Variants in SGCZ observed in about 807,000 individuals in gnomAD.
SGCZ encodes zeta-sarcoglycan.
In SGCZ, 40 loss-of-function variants were observed where a neutral mutation model predicts 41.3. The ratio of observed to expected loss-of-function variants is 0.97; its 90% CI spans 0.75 to 1.26. SGCZ has a LOEUF of 1.26. Among genes scored for constraint, SGCZ ranks in the 50% most tolerant of loss-of-function variants. The pLI, the probability that SGCZ is intolerant of heterozygous loss-of-function variation, is 0.00. For missense variants in SGCZ, 552 were observed against 369.8 expected (o/e 1.49, Z -4.04); for synonymous variants, 206 against 137.5 (o/e 1.50, Z -3.49).
In SGCZ at chr8:14,958,366, T is replaced by C. The variant is rs1229542344; in HGVS notation, c.39+279219A>G. ...GAAATGTTGGTCAATGGATAAAAGG[T>C]TGTGGTATGTTCATACAATGGAATA... On this transcript the variant is annotated intron_variant, in intron 1 of 7. Transcript: ENST00000382080. Among the ~76,000 whole-genome samples the C allele has an allele frequency of 2.0e-5, 3 of 152,158 alleles. No individual in the cohort carries two copies. The South Asian group carries it at 6.2e-4, about 31-fold the overall frequency.
chr8:15,078,466 C>G (rs982084649), intron 1 of SGCZ, among the ~76,000 whole-genome samples: 1 of 151,766 alleles, frequency 6.6e-6, no homozygotes, highest in Non-Finnish European at 1.5e-5. Context: ...TTTGACTGGT[C>G]TTCTATTTGC....
chr8:14,141,377 G>A (rs1438424000), intron 5 of SGCZ, among the ~76,000 whole-genome samples: 1 of 152,138 alleles, frequency 6.6e-6, no homozygotes, highest in Non-Finnish European at 1.5e-5. Context: ...AGAGTGAAAA[G>A]GCAACCTACA....
At chr8:15,140,210 A>T (rs1808270150) in intron 1 of SGCZ, among the ~76,000 whole-genome samples, 1 of 151,956 alleles carries the variant, frequency 6.6e-6, no homozygotes, top group African/African-American at 2.4e-5. Flanking sequence ...TTTTTTGTAG[A>T]CAAAGGGCCT....
chr8:14,246,280 G>C (rs1050595504), intron 3 of SGCZ, among the ~76,000 whole-genome samples: 22 of 152,140 alleles, frequency 1.4e-4, no homozygotes, highest in African/African-American at 5.3e-4. Flanking sequence ...AAAATGATGA[G>C]TTCATGTCCT....
chr8:14,483,209 T>C (rs1034259942), intron 2 of SGCZ, among the ~76,000 whole-genome samples: 2 of 152,208 alleles, frequency 1.3e-5, no homozygotes, highest in African/African-American at 4.8e-5. Flanking sequence ...TCAAAAAACA[T>C]GCCTTTAAAA....
At chr8:14,953,185 A>G (rs897722454) in intron 1 of SGCZ, among the ~76,000 whole-genome samples, 63 of 152,102 alleles carry the variant, frequency 4.1e-4, no homozygotes, top group Non-Finnish European at 5.0e-4. Flanking sequence ...CTTCCACAGG[A>G]TGTATAGGAA....
intron 1 of SGCZ, among the ~76,000 whole-genome samples, chr8:14,648,623 T>A (rs1178251453): frequency 6.6e-6 from 1 of 152,124 alleles, no homozygotes; most frequent in African/African-American, 2.4e-5. Context: ...TTTTCCATTA[T>A]ATTTAATTTC....
chr8:14,885,662 G>A (rs373374901), intron 1 of SGCZ, among the ~76,000 whole-genome samples: 9 of 152,040 alleles, frequency 5.9e-5, no homozygotes, highest in South Asian at 2.1e-4. Flanking sequence ...TCCCCACAGT[G>A]CCTGGCACAC....
chr8:15,043,203 A>G (rs1804174717), intron 1 of SGCZ, among the ~76,000 whole-genome samples: 1 of 152,188 alleles, frequency 6.6e-6, no homozygotes, highest in South Asian at 2.1e-4. Flanking sequence ...CTAGTAAAAT[A>G]AGCATTTATT....
intron 1 of SGCZ, among the ~76,000 whole-genome samples, chr8:14,803,456 A>T (rs1801399634): frequency 1.3e-5 from 2 of 152,194 alleles, no homozygotes; most frequent in Middle Eastern, 3.4e-3. Flanking sequence ...CTAGTCAAAG[A>T]AAGGGGTGAC....
At chr8:14,440,543 T>A (rs892294932) in intron 2 of SGCZ, among the ~76,000 whole-genome samples, 1 of 152,102 alleles carries the variant, frequency 6.6e-6, no homozygotes, top group African/African-American at 2.4e-5. Flanking sequence ...AATAAAATCA[T>A]CACTAGCTTC....
At chr8:14,422,108 G>A (rs919165233) in intron 2 of SGCZ, among the ~76,000 whole-genome samples, 4 of 151,996 alleles carry the variant, frequency 2.6e-5, no homozygotes, top group Non-Finnish European at 5.9e-5. Flanking sequence ...TTTTAACAGT[G>A]GGTTCATTCA....
intron 1 of SGCZ, among the ~76,000 whole-genome samples, chr8:14,797,174 A>C (rs1801161181): frequency 6.6e-6 from 1 of 152,006 alleles, no homozygotes; most frequent in Non-Finnish European, 1.5e-5. Flanking sequence ...GACAGTTTGG[A>C]GGGCTCAGAA....
At chr8:14,765,946 A>C (rs568250396) in intron 1 of SGCZ, among the ~76,000 whole-genome samples, 1 of 151,870 alleles carries the variant, frequency 6.6e-6, no homozygotes, top group South Asian at 2.1e-4. Context: ...TATTTATGGA[A>C]CAACTCTTGC....
At chr8:14,708,124 A>C (rs1809389685) in intron 1 of SGCZ, among the ~76,000 whole-genome samples, 1 of 151,998 alleles carries the variant, frequency 6.6e-6, no homozygotes, top group Non-Finnish European at 1.5e-5. Flanking sequence ...ATTCAAATTT[A>C]ATTTAAATTT....
chr8:15,135,057 C>G (rs1467255961), intron 1 of SGCZ, among the ~76,000 whole-genome samples: 2 of 152,122 alleles, frequency 1.3e-5, no homozygotes, highest in Non-Finnish European at 2.9e-5. Flanking sequence ...ATCTTCATAT[C>G]TGAAATGCTG....
intron 1 of SGCZ, among the ~76,000 whole-genome samples, chr8:14,831,659 T>C (rs76314409): frequency 0.13 from 19,160 of 151,468 alleles, 2,107 homozygotes; most frequent in African/African-American, 0.3. Flanking sequence ...TATATATATA[T>C]ACATACACTT....
At chr8:15,172,571 T>A (rs1228179995) in intron 1 of SGCZ, among the ~76,000 whole-genome samples, 2 of 152,166 alleles carry the variant, frequency 1.3e-5, no homozygotes, top group Admixed American at 1.3e-4. Flanking sequence ...AAAATTAAAA[T>A]CTAAAGTTTT....
intron 1 of SGCZ, among the ~76,000 whole-genome samples, chr8:14,772,371 A>G (rs1439528361): frequency 6.6e-6 from 1 of 152,142 alleles, no homozygotes; most frequent in Non-Finnish European, 1.5e-5. Context: ...TATGAAATAT[A>G]AATATTTTCA....
Sources: gnomAD v4.1 joint callset for allele counts (sites outside exome capture counted in the v4.1 genomes callset) on GRCh38, gnomAD v4.1.1 for gene constraint, MANE v1.5 for transcripts, NCBI Gene and HGNC (gene_info 2026-07-23, HGNC 2026-07-21) for gene names.